NRG1: variants seen among roughly 807,000 people sequenced by gnomAD.
NRG1 encodes pro-neuregulin-1, membrane-bound isoform.
Under a neutral mutation model 63.8 loss-of-function variants are expected in NRG1, and 18 were observed. The observed-to-expected ratio is 0.28, with a 90% CI of 0.19 to 0.42. The LOEUF is 0.42. Ranked by LOEUF, NRG1 falls within the 10% of genes least tolerant of loss-of-function variation. The probability of loss-of-function intolerance (pLI) is 1.00; values close to 1 mark genes in which losing one functional copy is unlikely to be tolerated. For missense variants in NRG1, 762 were observed against 814.7 expected (o/e 0.94, Z 0.79); for synonymous variants, 302 against 301.3 (o/e 1.00, Z -0.02).
chr8:31,651,315 AT>A (rs1804817264), intron 1 of NRG1, among the ~76,000 whole-genome samples: 1 of 152,276 alleles, frequency 6.6e-6, no homozygotes, highest in Non-Finnish European at 1.5e-5. Context: ...ATGATAAAGT[AT>A]GATTAATCCA....
intron 1 of NRG1, among the ~76,000 whole-genome samples, chr8:32,146,058 T>A (rs1397565407): frequency 1.3e-5 from 2 of 152,224 alleles, no homozygotes. Context: ...CTGGAAATTT[T>A]AGATGTATAT....
chr8:32,143,249 G>C (rs902964762), intron 1 of NRG1, among the ~76,000 whole-genome samples: 2 of 151,682 alleles, frequency 1.3e-5, no homozygotes, highest in South Asian at 4.2e-4. Flanking sequence ...TTTTTGGGGG[G>C]GGAAGAAATA....
chr8:31,750,240 A>C (rs1179038650), intron 1 of NRG1, among the ~76,000 whole-genome samples: 1 of 151,916 alleles, frequency 6.6e-6, no homozygotes, highest in Middle Eastern at 3.2e-3. Context: ...TGTCCCCTAG[A>C]TCGATATCAT....
At chr8:32,702,318 C>A (rs1299475610) in intron 5 of NRG1, among the ~76,000 whole-genome samples, 2 of 152,130 alleles carry the variant, frequency 1.3e-5, no homozygotes, top group Non-Finnish European at 2.9e-5. Context: ...ATGTGTGGGA[C>A]GTGTGTCAGT....
At chr8:32,323,964 C>T (rs1411448120) in intron 1 of NRG1, among the ~76,000 whole-genome samples, 3 of 152,180 alleles carry the variant, frequency 2.0e-5, no homozygotes, top group Non-Finnish European at 4.4e-5. Flanking sequence ...CACACATCTT[C>T]CTCATCTGCC....
chr8:32,147,592 A>G (rs981241339), intron 1 of NRG1, among the ~76,000 whole-genome samples: 1 of 152,134 alleles, frequency 6.6e-6, no homozygotes, highest in African/African-American at 2.4e-5. Context: ...CCTATCCCCT[A>G]ATTTTCATCA....
intron 1 of NRG1, among the ~76,000 whole-genome samples, chr8:32,502,274 C>T (rs951564152): frequency 2.0e-5 from 3 of 151,106 alleles, no homozygotes; most frequent in African/African-American, 7.3e-5. Flanking sequence ...TTTAAATGAC[C>T]AGATCTTACG....
chr8:31,969,446 G>C (rs1806914419), intron 1 of NRG1, among the ~76,000 whole-genome samples: 1 of 152,092 alleles, frequency 6.6e-6, no homozygotes, highest in Non-Finnish European at 1.5e-5. Flanking sequence ...GAAGTTAACT[G>C]ATTGAACATC....
exon 8 of NRG1, chr8:32,754,437 G>C (rs772295508): frequency 2.5e-6 from 4 of 1,613,866 alleles, no homozygotes; most frequent in Admixed American, 1.7e-5. Flanking sequence ...CCTCCTTGTG[G>C]TCGGCATCAT....
intron 1 of NRG1, among the ~76,000 whole-genome samples, chr8:31,976,638 G>A (rs923621268): frequency 1.3e-5 from 2 of 151,848 alleles, no homozygotes; most frequent in African/African-American, 4.8e-5. Flanking sequence ...GATTGCTAGG[G>A]TCAATGGGTG....
At chr8:32,307,555 C>G (rs1856329914) in intron 1 of NRG1, among the ~76,000 whole-genome samples, 1 of 151,652 alleles carries the variant, frequency 6.6e-6, no homozygotes, top group Non-Finnish European at 1.5e-5. Context: ...TCATTTCCCA[C>G]CCTGTGAAAA....
intron 1 of NRG1, among the ~76,000 whole-genome samples, chr8:32,578,912 A>C (rs1423102438): frequency 6.6e-6 from 1 of 152,170 alleles, no homozygotes; most frequent in African/African-American, 2.4e-5. Flanking sequence ...TTGACTTAGA[A>C]TTGAATGTAA....
At chr8:31,776,798 T>C (rs1819188565) in intron 1 of NRG1, among the ~76,000 whole-genome samples, 1 of 152,126 alleles carries the variant, frequency 6.6e-6, no homozygotes, top group Non-Finnish European at 1.5e-5. Flanking sequence ...GTTTGGTTTT[T>C]TGTCCTTGCG....
At chr8:31,800,423 G>A (rs1418197562) in intron 1 of NRG1, among the ~76,000 whole-genome samples, 3 of 152,138 alleles carry the variant, frequency 2.0e-5, no homozygotes, top group Non-Finnish European at 1.5e-5. Flanking sequence ...TAAGTTGTAC[G>A]TGCTTGAGTG....
chr8:32,749,762 G>T (rs1212212433), intron 7 of NRG1: 11 of 650,776 alleles, frequency 1.7e-5, no homozygotes, highest in Non-Finnish European at 2.7e-5. Context: ...TTACTGAAAT[G>T]TTACTGAGTG....
chr8:32,713,072 C>T (rs959805480), intron 5 of NRG1, among the ~76,000 whole-genome samples: 1 of 152,128 alleles, frequency 6.6e-6, no homozygotes, highest in African/African-American at 2.4e-5. Context: ...CTCTTTCGAC[C>T]TTTGTGTATA....
At chr8:32,645,159 A>G (rs934058927) in intron 5 of NRG1, among the ~76,000 whole-genome samples, 7 of 152,244 alleles carry the variant, frequency 4.6e-5, no homozygotes, top group Non-Finnish European at 1.0e-4. Flanking sequence ...AATATTGATC[A>G]TTGAGATCTT....
intron 1 of NRG1, among the ~76,000 whole-genome samples, chr8:32,018,269 G>T (rs891043349): frequency 2.0e-5 from 3 of 152,146 alleles, no homozygotes; most frequent in Non-Finnish European, 4.4e-5. Flanking sequence ...ACATCGAGGG[G>T]AAACAACTTT....
chr8:32,584,421 T>C (rs17721216), intron 1 of NRG1, among the ~76,000 whole-genome samples: 30,338 of 152,094 alleles, frequency 0.2, 3,821 homozygotes, highest in Admixed American at 0.33. Flanking sequence ...TAAAGGTCCT[T>C]AGAAAGTCAA....
Sources: gnomAD v4.1 joint callset for allele counts (sites outside exome capture counted in the v4.1 genomes callset) on GRCh38, gnomAD v4.1.1 for gene constraint, MANE v1.5 for transcripts, NCBI Gene and HGNC (gene_info 2026-07-23, HGNC 2026-07-21) for gene names.